The following THAP6 variants were observed in gnomAD, a reference collection of about 807,000 sequenced individuals.
THAP6 encodes THAP domain containing 6, also known as THAP domain-containing protein 6.
Under a neutral mutation model 20.0 loss-of-function variants are expected in THAP6, and 13 were observed. That is an observed-to-expected ratio of 0.65 (90% CI 0.42 to 1.03). The LOEUF is 1.03. Among genes scored for constraint, THAP6 ranks in the 50% least tolerant of loss-of-function variants. The pLI, the probability that THAP6 is intolerant of heterozygous loss-of-function variation, is 0.00. For synonymous variants in THAP6, 93 were observed against 92.2 expected, an observed-to-expected ratio of 1.01 and a Z score of -0.05; for missense variants, 262 against 261.6, an observed-to-expected ratio of 1.00 and a Z score of -0.01.
Position 75,529,319 on chromosome 4 carries a change from A to G in THAP6, c.*2105A>G. On this transcript the variant is annotated 3_prime_UTR_variant, in exon 5 of 5. Coordinates refer to ENST00000311638, the MANE Select transcript of THAP6 (RefSeq NM_144721.6). Reference sequence around the variant, plus strand: ...GCTTAGAATACACCAAACCTGGAAGACCTTTCCAAGAGTAAAATCCCAGTC... The same window carrying G: ...GCTTAGAATACACCAAACCTGGAAGGCCTTTCCAAGAGTAAAATCCCAGTC... 1 of 985,414 alleles carries G rather than the reference A, an allele frequency of 1.0e-6. No homozygotes were observed. Among genetic ancestry groups the G allele is most frequent in the Non-Finnish European group, 1.2e-6 (1 of 829,934 alleles). 61.0% of individuals were successfully genotyped at this position (985,414 alleles called of 1,614,324 possible). A position where few individuals can be genotyped will look rare whatever the true frequency, so the allele number is the denominator to read the frequency against.
chr4:75,523,653 A>C (rs895950689), intron 4 of THAP6, among the ~76,000 whole-genome samples: 1 of 152,006 alleles, frequency 6.6e-6, no homozygotes, highest in African/African-American at 2.4e-5. Context: ...AAAATACAAA[A>C]AAATTAGCTG....
rs10643016 is a variant in THAP6, at chr4:75,528,756, TA to T, written c.*1554del. The T allele has an allele frequency of 0.016, 13,973 of 854,480 alleles. No individual in the cohort carries two copies. Among genetic ancestry groups the T allele is most frequent in the South Asian group, 0.02 (355 of 18,114 alleles). The allele number at this position is 854,480 out of a possible 1,614,324, so 52.9% of individuals were successfully genotyped here. Reference sequence around the variant, plus strand: ...GAAAAAAAAGTAGTAAAAAGGTAGTTAAAAAAAAAAAAGGCCGGGTGGTGGC... The same window carrying T: ...GAAAAAAAAGTAGTAAAAAGGTAGTTAAAAAAAAAAAGGCCGGGTGGTGGC... On this transcript the variant is annotated 3_prime_UTR_variant, in exon 5 of 5. Transcript: ENST00000311638.
Position 75,529,162 on chromosome 4 carries a change from A to C in THAP6, c.*1948A>C, listed in dbSNP as rs1726564901. 4 of 983,082 alleles carry C rather than the reference A, an allele frequency of 4.1e-6. No individual in the cohort carries two copies. The South Asian group carries it at 1.4e-4, about 35-fold the overall frequency. 60.9% of individuals were successfully genotyped at this position (983,082 alleles called of 1,614,324 possible). ...AAGTTTGGGTATGATCTTAGGTTTTATGGAGATGTTTTCAATAGAGATTAT... is the reference window on the plus strand; with the variant it reads ...AAGTTTGGGTATGATCTTAGGTTTTCTGGAGATGTTTTCAATAGAGATTAT... On this transcript the variant is annotated 3_prime_UTR_variant, in exon 5 of 5. Coordinates refer to ENST00000311638, the MANE Select transcript of THAP6 (RefSeq NM_144721.6).
rs996026394 is a variant in THAP6, at chr4:75,542,379, C to T, written c.166-30C>T. The T allele has an allele frequency of 7.1e-6, 5 of 699,322 alleles. No homozygotes were observed. The African/African-American group carries it at 8.8e-5, about 12-fold the overall frequency. The allele number at this position is 699,322 out of a possible 1,614,324, so 43.3% of individuals were successfully genotyped here. ...AGAGCTGATCGCAATTTTCATAAAT[C>T]CTCGTATTTCTGCCTGTGTTTTGTT... On this transcript the variant is annotated intron_variant, in intron 2 of 4. Coordinates refer to the THAP6 transcript ENST00000502620.
intron 3 of THAP6, among the ~76,000 whole-genome samples, chr4:75,519,583 G>T (rs1181908202): frequency 8.6e-5 from 13 of 151,476 alleles, no homozygotes; most frequent in Admixed American, 3.3e-4. Context: ...GCGGTGTTTG[G>T]TTTTTTGTTC....
downstream of THAP6, among the ~76,000 whole-genome samples, chr4:75,531,571 A>G (rs999014165): frequency 3.3e-5 from 5 of 152,214 alleles, no homozygotes; most frequent in African/African-American, 1.2e-4. Context: ...CTTGTCCTGC[A>G]TTAGGGCAAA....
At chr4:75,514,872 A>G (rs1725436031) in intron 1 of THAP6, 1 of 157,234 alleles carries the variant, frequency 6.4e-6, no homozygotes, top group Non-Finnish European at 1.4e-5. Context: ...ATTGCCAGTC[A>G]CCAGCTAAAC....
intron 3 of THAP6, among the ~76,000 whole-genome samples, chr4:75,544,932 T>C (rs1454789302): frequency 3.3e-5 from 5 of 152,104 alleles, no homozygotes; most frequent in Non-Finnish European, 7.3e-5. Context: ...GCACACCTAC[T>C]ATAGAAATTA....
chr4:75,528,505 A>G lies in THAP6; in HGVS notation c.*1291A>G. 8 of 985,170 alleles carry G rather than the reference A, an allele frequency of 8.1e-6. No homozygotes were observed. The highest frequency in any genetic ancestry group is 9.6e-6 in the Non-Finnish European group (8 of 829,686). The allele number at this position is 985,170 out of a possible 1,614,324, so 61.0% of individuals were successfully genotyped here. On this transcript the variant is annotated 3_prime_UTR_variant, in exon 5 of 5. Transcript: ENST00000311638. ...ATTTCATTGTAGTAACAAAAATTGA[A>G]TTGCATTTTGTGCTCAGTTGTTTAT...
downstream of THAP6, among the ~76,000 whole-genome samples, chr4:75,531,890 T>C (rs1023995365): frequency 6.6e-6 from 1 of 151,612 alleles, no homozygotes; most frequent in African/African-American, 2.4e-5. Flanking sequence ...CCACTGGGTC[T>C]CTCCCACTGG....
chr4:75,539,804 A>G (rs1726956843), intron 2 of THAP6: 5 of 1,534,854 alleles, frequency 3.3e-6, no homozygotes, highest in Non-Finnish European at 1.7e-6. Flanking sequence ...TAGACCATAC[A>G]ATGAGCCATC....
At chr4:75,536,339 C>T (rs1486004736) in intron 2 of THAP6, among the ~76,000 whole-genome samples, 1 of 152,092 alleles carries the variant, frequency 6.6e-6, no homozygotes, top group Non-Finnish European at 1.5e-5. Context: ...TGGTGCATGC[C>T]TGTAATCCCA....
At chr4:75,521,160 A>G (rs1297178209) in intron 3 of THAP6, among the ~76,000 whole-genome samples, 3 of 149,864 alleles carry the variant, frequency 2.0e-5, no homozygotes, top group Non-Finnish European at 3.0e-5. Flanking sequence ...GGCTTTTTTC[A>G]ATGTAGTCAA....
At chr4:75,515,745 G>A (rs2148799386) in intron 2 of THAP6, among the ~76,000 whole-genome samples, 1 of 152,252 alleles carries the variant, frequency 6.6e-6, no homozygotes, top group Middle Eastern at 3.4e-3. Context: ...ATCAGAGACT[G>A]GTTTACAAAA....
At chr4:75,541,926 C>A (rs1727015979) in intron 2 of THAP6, among the ~76,000 whole-genome samples, 1 of 150,280 alleles carries the variant, frequency 6.7e-6, no homozygotes. Context: ...CACTGTACTC[C>A]AGCCTGGGCA....
chr4:75,521,532 A>C (rs1726027920), intron 3 of THAP6, among the ~76,000 whole-genome samples: 1 of 152,042 alleles, frequency 6.6e-6, no homozygotes, highest in South Asian at 2.1e-4. Flanking sequence ...CCTTTTTAGG[A>C]AAATTTGTGT....
At position 75,528,296 on chromosome 4, in the gene THAP6, A is replaced by C. The variant is rs1162166660; in HGVS notation, c.*1082A>C. 2 of 985,318 alleles carry C rather than the reference A, an allele frequency of 2.0e-6. No homozygotes were observed. Among genetic ancestry groups the C allele is most frequent in the African/African-American group, 3.5e-5 (2 of 57,246 alleles). The allele number at this position is 985,318 out of a possible 1,614,324, so 61.0% of individuals were successfully genotyped here. ...TTCCTTGTTATTTCCTAATTGATCC[A>C]AGTCTCATAAATTTAGCTTTTGTCA... On this transcript the variant is annotated 3_prime_UTR_variant, in exon 5 of 5. Coordinates refer to ENST00000311638, the MANE Select transcript of THAP6 (RefSeq NM_144721.6).
chr4:75,547,008 G>T (rs955436170), intron 3 of THAP6, among the ~76,000 whole-genome samples: 5 of 152,160 alleles, frequency 3.3e-5, no homozygotes, highest in Admixed American at 1.3e-4. Flanking sequence ...AGATGAGATT[G>T]CCCTGAGCCC....
chr4:75,542,303 A>G, intron 2 of THAP6: 1 of 616,586 alleles, frequency 1.6e-6, no homozygotes. Flanking sequence ...CAGAAAACTA[A>G]AGAACGTGAC....
Sources: allele counts gnomAD v4.1 joint callset (sites outside exome capture counted in the v4.1 genomes callset), GRCh38; gene constraint gnomAD v4.1.1; transcripts MANE v1.5; gene names NCBI Gene and HGNC (gene_info 2026-07-23, HGNC 2026-07-21).